The following REDIC1 variants were observed in gnomAD, a reference collection of about 807,000 sequenced individuals.
REDIC1 encodes the protein regulator of DNA class I crossover intermediates 1.
At chr12:39,718,861 T>C in the REDIC1 span, among the ~76,000 whole-genome samples, 1 of 152,166 alleles carries the variant, frequency 6.6e-6, no homozygotes. Flanking sequence ...CAAACCATGC[T>C]TTGCTGGCAT....
the REDIC1 span, among the ~76,000 whole-genome samples, chr12:39,746,426 G>A: frequency 8.5e-5 from 13 of 152,158 alleles, no homozygotes; most frequent in South Asian, 2.1e-4. Context: ...CAAAACTGCC[G>A]GGAAGCTCGA....
At chr12:39,675,473 G>C in the REDIC1 span, among the ~76,000 whole-genome samples, 5 of 152,170 alleles carry the variant, frequency 3.3e-5, no homozygotes, top group African/African-American at 1.2e-4. Flanking sequence ...GTGCTCTCTT[G>C]AAAGTGCCAC....
the REDIC1 span, among the ~76,000 whole-genome samples, chr12:39,712,892 C>T: frequency 1.5e-4 from 21 of 140,920 alleles, no homozygotes; most frequent in South Asian, 4.4e-4. Flanking sequence ...TACATATATG[C>T]ATATACGTGT....
At chr12:39,725,645 T>A in the REDIC1 span, among the ~76,000 whole-genome samples, 1 of 152,054 alleles carries the variant, frequency 6.6e-6, no homozygotes, top group South Asian at 2.1e-4. Flanking sequence ...TCCTCTTTAA[T>A]ACTTAATGCT....
chr12:39,784,882 T>C, the REDIC1 span, among the ~76,000 whole-genome samples: 1 of 152,204 alleles, frequency 6.6e-6, no homozygotes, highest in Non-Finnish European at 1.5e-5. Flanking sequence ...TTTGTGGAAC[T>C]TTCAACTTGA....
At chr12:39,653,538 T>TCTTCTTCTTCTTCTTTTTCTTC in the REDIC1 span, among the ~76,000 whole-genome samples, 1 of 66,616 alleles carries the variant, frequency 1.5e-5, no homozygotes, top group Non-Finnish European at 3.5e-5. Context: ...TTCTTCTTCT[T>TCTTCTTCTTCTTCTTTTTCTTC]TTTCTTCTTC....
the REDIC1 span, among the ~76,000 whole-genome samples, chr12:39,816,708 AAAAC>A: frequency 3.3e-5 from 5 of 152,102 alleles, no homozygotes; most frequent in East Asian, 1.9e-4. Flanking sequence ...ACTAGGATGA[AAAAC>A]AAACAAATAA....
the REDIC1 span, among the ~76,000 whole-genome samples, chr12:39,888,834 T>A: frequency 6.6e-6 from 1 of 152,208 alleles, no homozygotes; most frequent in Non-Finnish European, 1.5e-5. Flanking sequence ...AACTCTATAT[T>A]GTGACACATA....
the REDIC1 span, chr12:39,756,109 A>G: frequency 6.6e-6 from 1 of 151,996 alleles, no homozygotes; most frequent in Admixed American, 6.6e-5. Flanking sequence ...TTGGCTTTAC[A>G]TTATTGTACA....
At chr12:39,845,565 G>A in the REDIC1 span, among the ~76,000 whole-genome samples, 1 of 152,106 alleles carries the variant, frequency 6.6e-6, no homozygotes, top group South Asian at 2.1e-4. Flanking sequence ...GGAGGACAAA[G>A]TGAGTTTTTA....
chr12:39,674,580 G>A, the REDIC1 span, among the ~76,000 whole-genome samples: 5 of 137,118 alleles, frequency 3.6e-5, no homozygotes, highest in East Asian at 4.0e-4. Flanking sequence ...CAAAGTGTGA[G>A]GGGGGGATAG....
chr12:39,885,436 T>C, the REDIC1 span, among the ~76,000 whole-genome samples: 2 of 152,044 alleles, frequency 1.3e-5, no homozygotes, highest in East Asian at 1.9e-4. Context: ...GTACCAAATA[T>C]TGCATATTTG....
At chr12:39,661,280 A>G in the REDIC1 span, among the ~76,000 whole-genome samples, 15 of 152,250 alleles carry the variant, frequency 9.9e-5, no homozygotes, top group East Asian at 2.9e-3. Context: ...CCAACAGTGT[A>G]TGAGAGTTCT....
At chr12:39,661,328 T>G in the REDIC1 span, among the ~76,000 whole-genome samples, 1 of 152,144 alleles carries the variant, frequency 6.6e-6, no homozygotes, top group Non-Finnish European at 1.5e-5. Context: ...ATTTTTTTGT[T>G]TTTTGATAAT....
chr12:39,684,849 T>C, the REDIC1 span: 1 of 1,586,082 alleles, frequency 6.3e-7, no homozygotes, highest in Non-Finnish European at 8.6e-7. Context: ...TTTGATACTG[T>C]GTATTTATAA....
At chr12:39,698,588 G>T in the REDIC1 span, among the ~76,000 whole-genome samples, 3 of 151,964 alleles carry the variant, frequency 2.0e-5, no homozygotes, top group Non-Finnish European at 4.4e-5. Flanking sequence ...ATAGACATAC[G>T]TTAGGCAACA....
chr12:39,760,376 CA>C, the REDIC1 span: 5 of 722,260 alleles, frequency 6.9e-6, no homozygotes, highest in African/African-American at 7.2e-5. Context: ...TGAAATGGAC[CA>C]AAAAATTACT....
At chr12:39,743,249 T>C in the REDIC1 span, among the ~76,000 whole-genome samples, 1 of 152,186 alleles carries the variant, frequency 6.6e-6, no homozygotes, top group African/African-American at 2.4e-5. Context: ...GCCAGCCTAC[T>C]GTAGCTGTCC....
At chr12:39,702,847 C>A in the REDIC1 span, among the ~76,000 whole-genome samples, 1 of 152,180 alleles carries the variant, frequency 6.6e-6, no homozygotes, top group African/African-American at 2.4e-5. Flanking sequence ...ATGATTATCT[C>A]AATAGATGCA....
Sources: gnomAD v4.1 joint callset for allele counts (sites outside exome capture counted in the v4.1 genomes callset) on GRCh38, gnomAD v4.1.1 for gene constraint, MANE v1.5 for transcripts, NCBI Gene and HGNC (gene_info 2026-07-23, HGNC 2026-07-21) for gene names.